The following CSGALNACT1 variants were observed in gnomAD, a reference collection of about 807,000 sequenced individuals.
CSGALNACT1 encodes beta4GalNAcT-1.
Under a neutral mutation model 51.0 loss-of-function variants are expected in CSGALNACT1, and 52 were observed. That is an observed-to-expected ratio of 1.02 (90% confidence interval 0.82 to 1.29). The LOEUF (loss-of-function observed/expected upper bound fraction) is 1.29. Among genes scored for constraint, CSGALNACT1 ranks in the 50% most tolerant of loss-of-function variants. The pLI, the probability that CSGALNACT1 is intolerant of heterozygous loss-of-function variation, is 0.00. For missense variants in CSGALNACT1, 935 were observed against 679.2 expected, an observed-to-expected ratio of 1.38 and a Z score of -4.19; for synonymous variants, 341 against 254.4, an observed-to-expected ratio of 1.34 and a Z score of -3.24.
At chr8:19,696,922 A>G (rs1321501633) in intron 1 of CSGALNACT1, among the ~76,000 whole-genome samples, 5 of 152,198 alleles carry the variant, frequency 3.3e-5, no homozygotes, top group Admixed American at 6.5e-5. Flanking sequence ...GTGCATGCCA[A>G]TGAATACTAG....
At chr8:19,412,260 C>T (rs901087265) in intron 8 of CSGALNACT1, among the ~76,000 whole-genome samples, 5 of 152,208 alleles carry the variant, frequency 3.3e-5, no homozygotes, top group South Asian at 2.1e-4. Context: ...CACAAAAGGA[C>T]AGTTGTCAGC....
chr8:19,438,516 C>G (rs1197530089), intron 6 of CSGALNACT1, among the ~76,000 whole-genome samples: 2 of 152,156 alleles, frequency 1.3e-5, no homozygotes, highest in African/African-American at 4.8e-5. Context: ...CAGGCCATAG[C>G]TTTAAGTTGT....
At chr8:19,591,126 A>G (rs17480419) in intron 3 of CSGALNACT1, 12,264 of 152,254 alleles carry the variant, frequency 0.081, 518 homozygotes, top group Middle Eastern at 0.1. Flanking sequence ...CACAGAGCTG[A>G]TATTTAGAAG....
chr8:19,450,145 A>AGGG (rs2062862855), intron 5 of CSGALNACT1, among the ~76,000 whole-genome samples: 1 of 23,842 alleles, frequency 4.2e-5, no homozygotes, highest in African/African-American at 1.4e-4. Context: ...GGAGGGGGAA[A>AGGG]AGGAGGAGGA....
chr8:19,621,064 G>C (rs1020856857), intron 1 of CSGALNACT1, among the ~76,000 whole-genome samples: 23 of 152,214 alleles, frequency 1.5e-4, no homozygotes, highest in African/African-American at 5.5e-4. Flanking sequence ...CAACTAGTCT[G>C]AGTTCTTTAT....
intron 3 of CSGALNACT1, among the ~76,000 whole-genome samples, chr8:19,575,329 A>C (rs2043952575): frequency 6.6e-6 from 1 of 152,114 alleles, no homozygotes; most frequent in Admixed American, 6.5e-5. Context: ...CAGAACACTT[A>C]ATTTTTTGGG....
chr8:19,524,198 G>A (rs1454580234), intron 3 of CSGALNACT1, among the ~76,000 whole-genome samples: 1 of 152,088 alleles, frequency 6.6e-6, no homozygotes. Flanking sequence ...GATGAGGCAG[G>A]AGGATCGCTT....
At chr8:19,456,933 G>C (rs2064229109) in intron 5 of CSGALNACT1, among the ~76,000 whole-genome samples, 1 of 152,168 alleles carries the variant, frequency 6.6e-6, no homozygotes, top group Non-Finnish European at 1.5e-5. Flanking sequence ...AGAAGAAATA[G>C]ACTTGTTCAG....
intron 3 of CSGALNACT1, among the ~76,000 whole-genome samples, chr8:19,570,062 T>G (rs921030771): frequency 6.6e-6 from 1 of 151,676 alleles, no homozygotes; most frequent in Admixed American, 6.6e-5. Flanking sequence ...CAGGGGATGT[T>G]AAATGGAAGG....
At chr8:19,687,681 G>C (rs2061054537) in intron 1 of CSGALNACT1, among the ~76,000 whole-genome samples, 1 of 152,160 alleles carries the variant, frequency 6.6e-6, no homozygotes, top group African/African-American at 2.4e-5. Flanking sequence ...TTCCAGAAAT[G>C]AAACTCCATT....
chr8:19,551,209 C>T (rs1315144304), intron 3 of CSGALNACT1, among the ~76,000 whole-genome samples: 3 of 152,206 alleles, frequency 2.0e-5, no homozygotes, highest in Non-Finnish European at 4.4e-5. Context: ...AGGCTGACAC[C>T]AGCTGGAACC....
intron 1 of CSGALNACT1, among the ~76,000 whole-genome samples, chr8:19,612,714 T>C (rs993315759): frequency 2.6e-5 from 4 of 152,002 alleles, no homozygotes; most frequent in South Asian, 2.1e-4. Flanking sequence ...TCCTACTACA[T>C]GGTGGCTAAA....
intron 3 of CSGALNACT1, among the ~76,000 whole-genome samples, chr8:19,590,319 C>T (rs115445211): frequency 0.015 from 2,316 of 152,266 alleles, 63 homozygotes; most frequent in African/African-American, 0.052. Flanking sequence ...TGTGGCAGAA[C>T]GTAGTAATAG....
At chr8:19,667,041 AAG>A (rs1491408715) in intron 1 of CSGALNACT1, among the ~76,000 whole-genome samples, 3 of 43,344 alleles carry the variant, frequency 6.9e-5, no homozygotes, top group Admixed American at 2.3e-4. Context: ...GGAAGGAAGG[AAG>A]AAAGAAAGAA....
At chr8:19,527,939 C>T (rs1363393311) in intron 3 of CSGALNACT1, among the ~76,000 whole-genome samples, 1 of 152,060 alleles carries the variant, frequency 6.6e-6, no homozygotes, top group Non-Finnish European at 1.5e-5. Context: ...AACCGTAAGA[C>T]TGAAGGAGAT....
At chr8:19,551,303 T>C (rs924936195) in intron 3 of CSGALNACT1, among the ~76,000 whole-genome samples, 11 of 152,128 alleles carry the variant, frequency 7.2e-5, no homozygotes, top group African/African-American at 2.4e-4. Flanking sequence ...AACTCCACCT[T>C]CAGATCATGC....
chr8:19,637,839 G>GTTTT (rs11461273), intron 1 of CSGALNACT1, among the ~76,000 whole-genome samples: 4 of 143,828 alleles, frequency 2.8e-5, no homozygotes, highest in Admixed American at 6.9e-5. Flanking sequence ...AGCCTGACCA[G>GTTTT]TTTTTTTTTT....
chr8:19,474,771 G>C (rs541101951), intron 4 of CSGALNACT1, among the ~76,000 whole-genome samples: 1 of 151,496 alleles, frequency 6.6e-6, no homozygotes, highest in African/African-American at 2.4e-5. Flanking sequence ...AGGAGGCTAG[G>C]TAGGAGAATC....
intron 8 of CSGALNACT1, among the ~76,000 whole-genome samples, chr8:19,414,147 A>T (rs2056422291): frequency 6.6e-6 from 1 of 152,222 alleles, no homozygotes; most frequent in Non-Finnish European, 1.5e-5. Flanking sequence ...GCTATAAATC[A>T]GGTCTTTCTC....
Sources: allele counts gnomAD v4.1 joint callset (sites outside exome capture counted in the v4.1 genomes callset), GRCh38; gene constraint gnomAD v4.1.1; transcripts MANE v1.5; gene names NCBI Gene and HGNC (gene_info 2026-07-23, HGNC 2026-07-21).